The following NXPH1 variants were observed in gnomAD, a reference collection of about 807,000 sequenced individuals.
NXPH1 encodes the protein neurexophilin-1.
NXPH1 carries 5 observed loss-of-function variants against 23.7 expected under a neutral mutation model. That is an observed-to-expected ratio of 0.21 (90% CI 0.11 to 0.44). NXPH1 has a LOEUF of 0.44. NXPH1 is among the 20% of genes least tolerant of loss of function. The pLI is 0.99. For synonymous variants in NXPH1, 144 were observed against 122.2 expected (o/e 1.18, Z -1.18); for missense variants, 324 against 321.6 (o/e 1.01, Z -0.06).
rs1484551426 is a variant in NXPH1 at position 8,751,608 on chromosome 7, T to C, written c.655T>C (p.Tyr219His). The C allele has an allele frequency of 6.2e-6, 10 of 1,613,588 alleles. No homozygotes were observed. The highest frequency in any genetic ancestry group is 8.5e-6 in the Non-Finnish European group (10 of 1,179,758). ...CAACTATGACCCTTCAAAAACCTGTTACCAGGAGCAAACCCAAAGTCATGT... is the reference window on the plus strand; with the variant it reads ...CAACTATGACCCTTCAAAAACCTGTCACCAGGAGCAAACCCAAAGTCATGT... ...LCNYDPSKTC[Y>H]QEQTQSHVSW... Residue 219 changes from tyrosine to histidine, a missense_variant, in exon 3 of 3, where the codon TAC becomes CAC. By Grantham distance (83) the Tyr-to-His change is moderately conservative. Transcript: ENST00000405863. This position sits in a 1 kb window ranked among gnomAD's most constrained non-coding sequence, Gnocchi z 4.5.
At chr7:8,461,754 C>T (rs1163227250) in intron 2 of NXPH1, among the ~76,000 whole-genome samples, 8 of 145,970 alleles carry the variant, frequency 5.5e-5, no homozygotes, top group Non-Finnish European at 8.9e-5. Flanking sequence ...GGCGTGAACC[C>T]GGGAGGCGGA....
At chr7:8,738,119 C>T (rs1318538817) in intron 2 of NXPH1, among the ~76,000 whole-genome samples, 1 of 152,190 alleles carries the variant, frequency 6.6e-6, no homozygotes, top group Non-Finnish European at 1.5e-5. Context: ...TACCAACCTT[C>T]TGAAGCCTAC....
intron 2 of NXPH1, among the ~76,000 whole-genome samples, chr7:8,447,203 GTCTA>G (rs1375016857): frequency 2.6e-5 from 4 of 152,210 alleles, no homozygotes; most frequent in Admixed American, 6.5e-5. Context: ...TAATAGAGCT[GTCTA>G]TCTAATCTCT....
intron 2 of NXPH1, among the ~76,000 whole-genome samples, chr7:8,573,844 A>C (rs1818699391): frequency 6.6e-6 from 1 of 152,188 alleles, no homozygotes; most frequent in Non-Finnish European, 1.5e-5. Flanking sequence ...TGATGTTTAA[A>C]GACATCATTG....
intron 2 of NXPH1, among the ~76,000 whole-genome samples, chr7:8,500,597 T>C (rs1817415182): frequency 6.6e-6 from 1 of 152,098 alleles, no homozygotes; most frequent in African/African-American, 2.4e-5. Context: ...CAAGACTCTT[T>C]TGTGAAGGGC....
At chr7:8,646,936 AGG>A (rs1266170803) in intron 2 of NXPH1, among the ~76,000 whole-genome samples, 2 of 151,430 alleles carry the variant, frequency 1.3e-5, no homozygotes, top group African/African-American at 4.9e-5. Context: ...GGGAGCTGGG[AGG>A]GGTACATGGA....
At chr7:8,704,075 G>GAT (rs548566533) in intron 2 of NXPH1, among the ~76,000 whole-genome samples, 138 of 152,150 alleles carry the variant, frequency 9.1e-4, no homozygotes, top group South Asian at 1.7e-3. Context: ...GATATGTAAT[G>GAT]ATATATATAT....
chr7:8,674,328 A>T (rs1470216373), intron 2 of NXPH1, among the ~76,000 whole-genome samples: 1 of 152,140 alleles, frequency 6.6e-6, no homozygotes, highest in Admixed American at 6.6e-5. Flanking sequence ...AAACTGAGTA[A>T]ATGGGATACT....
chr7:8,670,708 G>A (rs1820855677), intron 2 of NXPH1, among the ~76,000 whole-genome samples: 2 of 152,210 alleles, frequency 1.3e-5, no homozygotes, highest in South Asian at 2.1e-4. Context: ...GGTCCAATAT[G>A]TATCACAATA....
intron 2 of NXPH1, among the ~76,000 whole-genome samples, chr7:8,454,898 C>A (rs1038904553): frequency 6.6e-6 from 1 of 152,032 alleles, no homozygotes; most frequent in Non-Finnish European, 1.5e-5. Flanking sequence ...TATATATGTG[C>A]TCATAGTAAG....
intron 2 of NXPH1, among the ~76,000 whole-genome samples, chr7:8,589,514 T>A (rs911163455): frequency 6.6e-6 from 1 of 151,946 alleles, no homozygotes; most frequent in African/African-American, 2.4e-5. Flanking sequence ...TGAGGGAGTA[T>A]GTACCAGAGA....
At chr7:8,649,663 G>A (rs1424292382) in intron 2 of NXPH1, among the ~76,000 whole-genome samples, 2 of 152,138 alleles carry the variant, frequency 1.3e-5, no homozygotes, top group South Asian at 2.1e-4. Context: ...GTCTTTGTTG[G>A]CTGCTAGAAG....
intron 2 of NXPH1, among the ~76,000 whole-genome samples, chr7:8,539,261 A>G (rs67571376): frequency 0.41 from 62,345 of 151,590 alleles, 12,926 homozygotes; most frequent in Non-Finnish European, 0.43. Flanking sequence ...CTTGATAAAT[A>G]AAAAATATAA....
At chr7:8,736,552 T>C (rs140982606) in intron 2 of NXPH1, among the ~76,000 whole-genome samples, 310 of 152,342 alleles carry the variant, frequency 2.0e-3, no homozygotes, top group African/African-American at 7.1e-3. Context: ...CTTTCAATTA[T>C]GTAGTCAATT....
intron 2 of NXPH1, among the ~76,000 whole-genome samples, chr7:8,562,475 C>G (rs1196852453): frequency 6.6e-6 from 1 of 150,850 alleles, no homozygotes; most frequent in Admixed American, 6.6e-5. Flanking sequence ...TCCTTTTCCT[C>G]TATAACTCTG....
At chr7:8,456,949 C>A (rs1418614795) in intron 2 of NXPH1, among the ~76,000 whole-genome samples, 3 of 152,122 alleles carry the variant, frequency 2.0e-5, no homozygotes, top group Non-Finnish European at 1.5e-5. Context: ...ACTCTCTATC[C>A]TTCTTAGATT....
At chr7:8,693,253 T>C (rs376091708) in intron 2 of NXPH1, among the ~76,000 whole-genome samples, 149 of 152,328 alleles carry the variant, frequency 9.8e-4, no homozygotes, top group African/African-American at 3.4e-3. Flanking sequence ...AGTAAGAACA[T>C]TGACTTTAGA....
At chr7:8,544,397 C>T (rs185178449) in intron 2 of NXPH1, among the ~76,000 whole-genome samples, 1 of 151,568 alleles carries the variant, frequency 6.6e-6, no homozygotes, top group Non-Finnish European at 1.5e-5. Context: ...AGAATATTCT[C>T]TGGCAAGCAA....
At chr7:8,664,891 GTTGT>G (rs1820736155) in intron 2 of NXPH1, among the ~76,000 whole-genome samples, 1 of 151,828 alleles carries the variant, frequency 6.6e-6, no homozygotes, top group Non-Finnish European at 1.5e-5. Flanking sequence ...TTGCTATTAA[GTTGT>G]TTGAGTTCTT....
Sources: allele counts gnomAD v4.1 joint callset (sites outside exome capture counted in the v4.1 genomes callset), GRCh38; gene constraint gnomAD v4.1.1; non-coding constraint Gnocchi (gnomAD v3.1); transcripts MANE v1.5; gene names NCBI Gene and HGNC (gene_info 2026-07-23, HGNC 2026-07-21).